CD163L1: variants seen among roughly 807,000 people sequenced by gnomAD.
The protein encoded by CD163L1 is scavenger receptor cysteine-rich type 1 protein M160.
CD163L1 carries 124 observed loss-of-function variants against 165.4 expected under a neutral mutation model. The ratio of observed to expected loss-of-function variants is 0.75; its 90% CI spans 0.65 to 0.87. CD163L1 has a LOEUF of 0.87. CD163L1 is among the 40% of genes least tolerant of loss of function. CD163L1 has a pLI of 0.00. For synonymous variants in CD163L1, 585 were observed against 662.2 expected (o/e 0.88, Z 1.79); for missense variants, 1,525 against 1,799.9 (o/e 0.85, Z 2.76).
chr12:7,399,180 CTCTTT>C (rs1315564464), intron 6 of CD163L1, among the ~76,000 whole-genome samples: 11 of 150,346 alleles, frequency 7.3e-5, no homozygotes, highest in Admixed American at 3.3e-4. Context: ...TCCGCCCTCC[CTCTTT>C]TCTTTTCCTT....
At chr12:7,323,252 C>T in the CD163L1 span, 42 of 1,609,424 alleles carry the variant, frequency 2.6e-5, no homozygotes, top group African/African-American at 4.0e-5. Context: ...TTGTGCCAAT[C>T]AGAAAGGCCA....
rs771774938 is a variant in CD163L1, at chr12:7,441,103, A to G, written c.124+51T>C. On this transcript the variant is annotated intron_variant, in intron 2 of 19. Transcript: ENST00000313599. ...GCACTTAGGGTAGTGAGTAGGGGAAAGGTAGAATAGAGGATTGTAAGCCCA... is the reference window on the plus strand; with the variant it reads ...GCACTTAGGGTAGTGAGTAGGGGAAGGGTAGAATAGAGGATTGTAAGCCCA... 5 of 1,277,670 alleles carry G rather than the reference A, an allele frequency of 3.9e-6. No individual in the cohort carries two copies. The African/African-American group carries it at 7.4e-5, about 19-fold the overall frequency. 79.1% of individuals were successfully genotyped at this position (1,277,670 alleles called of 1,614,324 possible).
In CD163L1 at chr12:7,368,572, G is replaced by T. The variant is rs1352014875; in HGVS notation, c.4072+361C>A. ...AGATGGAGTCTCATTCTGTCACCCA[G>T]GCTGAGTGTACTGGCACGATCTCGG... On this transcript the variant is annotated intron_variant, in intron 16 of 19. Coordinates refer to ENST00000313599, the MANE Select transcript of CD163L1 (RefSeq NM_174941.6). The surrounding 1 kb of genome is among the most constrained non-coding windows in gnomAD (Gnocchi z 4.3). Among the ~76,000 whole-genome samples the T allele has an allele frequency of 6.8e-6, 1 of 147,796 alleles. No individual in the cohort carries two copies. Among genetic ancestry groups the T allele is most frequent in the South Asian group, 2.1e-4 (1 of 4,710 alleles).
At chr12:7,361,711 C>T (rs369634295) in intron 18 of CD163L1, among the ~76,000 whole-genome samples, 24 of 152,294 alleles carry the variant, frequency 1.6e-4, no homozygotes, top group African/African-American at 4.8e-4. Flanking sequence ...TTTACCATCA[C>T]GATCACAATA....
chr12:7,438,670 G>T, intron 2 of CD163L1: 1 of 553,530 alleles, frequency 1.8e-6, no homozygotes, highest in Non-Finnish European at 3.1e-6. Flanking sequence ...ATTTATGACC[G>T]CCCATGGTCA....
intron 8 of CD163L1, among the ~76,000 whole-genome samples, chr12:7,385,056 C>T (rs1947488284): frequency 6.6e-6 from 1 of 151,600 alleles, no homozygotes; most frequent in South Asian, 2.1e-4. Flanking sequence ...TATAGATTGG[C>T]TGAATGGATT....
chr12:7,334,554 G>A, the CD163L1 span, among the ~76,000 whole-genome samples: 26 of 152,190 alleles, frequency 1.7e-4, no homozygotes, highest in East Asian at 2.5e-3. Flanking sequence ...GGCAAAAACC[G>A]GAAGCATTCC....
At position 7,398,562 on chromosome 12, in the gene CD163L1, C is replaced by G. The variant is rs777621262; in HGVS notation, c.1431G>C (p.Arg477Ser). ...ICSDKADLDL[R>S]LVGAHSPCYG... The stretch of plus-strand genomic sequence containing the variant: ...AACAGGGGCTATGAGCCCCGACAAG[C>G]CTTAGGTCCAGATCTGCCTTATCTG... Residue 477 changes from arginine (R) to serine (S), a missense_variant, in exon 7 of 20, where the codon AGG becomes AGC. Coordinates refer to ENST00000313599, the MANE Select transcript of CD163L1 (RefSeq NM_174941.6). This position sits in a 1 kb window ranked among gnomAD's most constrained non-coding sequence, Gnocchi z 4.5. The G allele has an allele frequency of 2.5e-6, 4 of 1,592,250 alleles. No individual in the cohort carries two copies. In the African/African-American group the frequency reaches 5.4e-5, roughly 21 times the overall value.
Position 7,368,223 on chromosome 12 carries a change from G to A in CD163L1, c.4073-26C>T, listed in dbSNP as rs1311635821. On this transcript the variant is annotated intron_variant, in intron 16 of 19. Coordinates refer to ENST00000313599, the MANE Select transcript of CD163L1 (RefSeq NM_174941.6). This position sits in a 1 kb window ranked among gnomAD's most constrained non-coding sequence, Gnocchi z 4.3. ...CTGTATAGAAATTAAGCATTGATAA[G>A]TATTAAACTAGTAGATATCAATTGT... is the stretch of plus-strand genomic sequence containing the variant. 1 of 1,267,824 alleles carries A rather than the reference G, an allele frequency of 7.9e-7. No homozygotes were observed. The highest frequency in any genetic ancestry group is 1.1e-6 in the Non-Finnish European group (1 of 869,886). The allele number at this position is 1,267,824 out of a possible 1,614,324, so 78.5% of individuals were successfully genotyped here.
At chr12:7,389,540 G>A (rs934741885) in intron 8 of CD163L1, among the ~76,000 whole-genome samples, 7 of 151,824 alleles carry the variant, frequency 4.6e-5, no homozygotes, top group African/African-American at 1.7e-4. Context: ...CTGGAGAGAA[G>A]GTGGCAATGG....
chr12:7,379,053 G>C lies in CD163L1; in HGVS notation c.2296C>G (p.Leu766Val), dbSNP rs767793854. 6.2e-7 allele frequency: 1 copy of C among 1,614,132 alleles called. No individual in the cohort carries two copies. Among genetic ancestry groups the C allele is most frequent in the Non-Finnish European group, 8.5e-7 (1 of 1,179,996 alleles). Residue 766 changes from leucine (L) to valine (V), a missense_variant, in exon 9 of 20, where the codon CTC (leucine) becomes GTC (valine). Leu to Val is a conservative substitution (Grantham distance 32). Transcript: ENST00000313599. ...NSGCTGGEASLWDCIRWEWKQ... is the reference protein window; with the variant it reads ...NSGCTGGEASVWDCIRWEWKQ... ...CACTCCCATCGTATACAATCCCAGA[G>C]AGAGGCTTCCCCTCCAGTGCAGCCA...
intron 2 of CD163L1, among the ~76,000 whole-genome samples, chr12:7,436,973 A>T (rs976412909): frequency 1.3e-4 from 19 of 151,264 alleles, no homozygotes; most frequent in African/African-American, 4.1e-4. Flanking sequence ...GTGATAAAAT[A>T]AAAATGTTAA....
intron 8 of CD163L1, among the ~76,000 whole-genome samples, chr12:7,391,543 G>C (rs907899987): frequency 1.3e-5 from 2 of 152,108 alleles, no homozygotes; most frequent in African/African-American, 2.4e-5. Flanking sequence ...TGATGGAGCC[G>C]AAAACCATGG....
intron 8 of CD163L1, among the ~76,000 whole-genome samples, chr12:7,391,574 T>G (rs933847271): frequency 1.3e-5 from 2 of 152,114 alleles, no homozygotes; most frequent in East Asian, 3.9e-4. Flanking sequence ...TTGTGATACA[T>G]GCACAAGCTT....
rs748315306 is a variant in CD163L1, at chr12:7,369,502, G to A, written c.3894C>T (p.Asp1298=). The A allele has an allele frequency of 4.3e-5, 70 of 1,614,102 alleles. No individual in the cohort carries two copies. Among genetic ancestry groups the A allele is most frequent in the South Asian group, 2.3e-4 (21 of 91,074 alleles). ...GCGSALAALR[D]ASFGQGTGTI... ...TTCCAGTTCCCTGGCCAAACGAAGC[G>A]TCCCTCAGGGCAGCCAGAGCAGAGC... is the stretch of plus-strand genomic sequence containing the variant. The change falls in exon 15 of 20, where the codon GAC becomes GAT. Residue 1298 remains aspartate (D), a synonymous_variant. Transcript: ENST00000313599. This position sits in a 1 kb window ranked among gnomAD's most constrained non-coding sequence, Gnocchi z 4.9.
chr12:7,332,139 C>T, the CD163L1 span, among the ~76,000 whole-genome samples: 1 of 152,076 alleles, frequency 6.6e-6, no homozygotes, highest in African/African-American at 2.4e-5. Context: ...GACGAATGCA[C>T]AAGCCTCAGT....
the CD163L1 span, chr12:7,322,556 C>T: frequency 6.2e-7 from 1 of 1,607,728 alleles, no homozygotes; most frequent in Admixed American, 1.7e-5. Context: ...ATCTAAAGGG[C>T]ATTTATGTTT....
rs139280879 is a variant in CD163L1 at position 7,375,866 on chromosome 12, A to T, written c.2520T>A (p.Asp840Glu). 1 of 1,614,082 alleles carries T rather than the reference A, an allele frequency of 6.2e-7. No homozygotes were observed. Among genetic ancestry groups the T allele is most frequent in the African/African-American group, 1.3e-5 (1 of 74,928 alleles). Residue 840 changes from aspartate to glutamate, a missense_variant, in exon 10 of 20, where the codon GAT (aspartate) becomes GAA (glutamate). Transcript: ENST00000313599. ...GATCTCCCACAGAAAGAGATATGGC[A>T]TCTCCACAGTTTAATTCTCTGCACA... ...NVLCRELNCG[D>E]AISLSVGDHF...
chr12:7,432,336 ATGAT>A lies in CD163L1; in HGVS notation c.766+76_766+79del. The stretch of plus-strand genomic sequence containing the variant: ...ACCAGAGAAAATTCTTCTCCAGAGA[ATGAT>A]TGACCTTTTTCTTTCCATACATACT... On this transcript the variant is annotated intron_variant, in intron 4 of 19. Coordinates refer to ENST00000313599, the MANE Select transcript of CD163L1 (RefSeq NM_174941.6). The surrounding 1 kb of genome is among the most constrained non-coding windows in gnomAD (Gnocchi z 4.2). 3 of 1,079,610 alleles carry A rather than the reference ATGAT, an allele frequency of 2.8e-6. No individual in the cohort carries two copies. The highest frequency in any genetic ancestry group is 4.0e-6 in the Non-Finnish European group (3 of 745,212). The allele number at this position is 1,079,610 out of a possible 1,614,324, so 66.9% of individuals were successfully genotyped here. A position where few individuals can be genotyped will look rare whatever the true frequency, so the allele number is the denominator to read the frequency against.
Sources: gnomAD v4.1 joint callset for allele counts (sites outside exome capture counted in the v4.1 genomes callset) on GRCh38, gnomAD v4.1.1 for gene constraint, Gnocchi (gnomAD v3.1) non-coding constraint, MANE v1.5 for transcripts, NCBI Gene and HGNC (gene_info 2026-07-23, HGNC 2026-07-21) for gene names.